The following SLC4A8 variants were observed in gnomAD, a reference collection of about 807,000 sequenced individuals.
SLC4A8 encodes the protein solute carrier family 4 member 8, also known as electroneutral sodium bicarbonate exchanger 1.
Under a neutral mutation model 125.0 loss-of-function variants are expected in SLC4A8, and 40 were observed. The observed-to-expected ratio is 0.32, with a 90% CI of 0.25 to 0.42. The LOEUF (loss-of-function observed/expected upper bound fraction) is 0.42. Among genes scored for constraint, SLC4A8 ranks in the 10% least tolerant of loss-of-function variants. SLC4A8 has a pLI of 1.00. For synonymous variants in SLC4A8, 456 were observed against 476.0 expected (o/e 0.96, Z 0.55); for missense variants, 863 against 1,355.1 (o/e 0.64, Z 5.70).
intron 3 of SLC4A8, 110 bp from the exon 4 acceptor site, chr12:51,452,014 G>A: frequency 1.0e-6 from 1 of 968,350 alleles, no homozygotes. Flanking sequence ...TTTTTCTTCT[G>A]CATTCGTGGT....
chr12:51,506,734 G>A (rs77681556), intron 24 of SLC4A8, among the ~76,000 whole-genome samples: 8,470 of 152,218 alleles, frequency 0.056, 717 homozygotes, highest in African/African-American at 0.18. Flanking sequence ...GCACCCGGCC[G>A]TAACTGTTTT....
intron 9 of SLC4A8, 34 bp downstream of exon 9, chr12:51,461,325 A>C: frequency 1.3e-5 from 15 of 1,173,300 alleles, no homozygotes; most frequent in Non-Finnish European, 1.8e-5. Context: ...CTTCCATCTC[A>C]TAAATATTTA....
intron 1 of SLC4A8, among the ~76,000 whole-genome samples, chr12:51,433,256 T>G (rs143723383): frequency 2.5e-4 from 38 of 152,344 alleles, no homozygotes; most frequent in African/African-American, 8.4e-4. Context: ...TTTTAATGTG[T>G]ATTTAACCCT....
At chr12:51,446,675 T>TTGTCC (rs1242783603) in intron 2 of SLC4A8, among the ~76,000 whole-genome samples, 1 of 152,216 alleles carries the variant, frequency 6.6e-6, no homozygotes, top group African/African-American at 2.4e-5. Context: ...GGTGAGTACT[T>TTGTCC]TATTTGTCCT....
chr12:51,426,572 A>T (rs1948988475), intron 1 of SLC4A8, among the ~76,000 whole-genome samples: 1 of 152,202 alleles, frequency 6.6e-6, no homozygotes, highest in Non-Finnish European at 1.5e-5. Context: ...GAGCTAAAGG[A>T]TGAATAAATG....
intron 1 of SLC4A8, among the ~76,000 whole-genome samples, chr12:51,410,852 CTTTCTTTTCTTTTCT>C (rs1197967101): frequency 6.8e-6 from 1 of 148,116 alleles, no homozygotes; most frequent in Non-Finnish European, 1.5e-5. Context: ...TTCGAACAAT[CTTTCTTTTCTTTTCT>C]TTTCTTTTCT....
At chr12:51,457,577 A>C in intron 6 of SLC4A8, 38 bp downstream of exon 6, 1 of 1,570,184 alleles carries the variant, frequency 6.4e-7, no homozygotes, top group Non-Finnish European at 8.7e-7. Context: ...TTTATTAATA[A>C]GACATTGGGA....
chr12:51,408,640 T>C (rs1441472064), intron 1 of SLC4A8, among the ~76,000 whole-genome samples: 1 of 152,140 alleles, frequency 6.6e-6, no homozygotes, highest in Non-Finnish European at 1.5e-5. Flanking sequence ...CGCAGGAGCA[T>C]GGTGTTCACC....
intron 1 of SLC4A8, among the ~76,000 whole-genome samples, chr12:51,413,793 A>G (rs1377167102): frequency 1.3e-5 from 2 of 152,020 alleles, no homozygotes; most frequent in Non-Finnish European, 2.9e-5. Context: ...CTGTTTTTAT[A>G]TCGATACCAT....
intron 2 of SLC4A8, among the ~76,000 whole-genome samples, chr12:51,443,887 CA>C (rs1243177752): frequency 3.3e-5 from 5 of 152,300 alleles, no homozygotes; most frequent in Admixed American, 1.3e-4. Flanking sequence ...CAGGGTACGT[CA>C]AACCTATGGT....
chr12:51,510,124 TGATGCAGGATAAAACTTCCC>T lies in SLC4A8; in HGVS notation c.*2688_*2707del, dbSNP rs2138471356. ...GAGGAGGGTCTGATATCCCTGCAAG[TGATGCAGGATAAAACTTCCC>T]GGCCGGGCGCAATGGCTCGCGCCTG... On this transcript the variant is annotated 3_prime_UTR_variant, in exon 25 of 25. Coordinates refer to ENST00000453097, the MANE Select transcript of SLC4A8 (RefSeq NM_001039960.3). The T allele has an allele frequency of 6.6e-6, 1 of 152,328 alleles. No homozygotes were observed. The highest frequency in any genetic ancestry group is 1.5e-5 in the Non-Finnish European group (1 of 68,102). 9.4% of individuals were successfully genotyped at this position (152,328 alleles called of 1,614,324 possible).
intron 14 of SLC4A8, among the ~76,000 whole-genome samples, chr12:51,472,038 A>G (rs7971145): frequency 0.056 from 8,542 of 152,272 alleles, 737 homozygotes; most frequent in African/African-American, 0.18. Flanking sequence ...ACACTGTATC[A>G]TAAAGATCCA....
At chr12:51,432,583 C>T (rs1251814656) in intron 1 of SLC4A8, among the ~76,000 whole-genome samples, 2 of 150,974 alleles carry the variant, frequency 1.3e-5, no homozygotes, top group African/African-American at 2.4e-5. Flanking sequence ...ATTAGCTGGG[C>T]GTGGTGGTGC....
intron 1 of SLC4A8, among the ~76,000 whole-genome samples, chr12:51,394,383 T>C (rs1005359773): frequency 2.0e-5 from 3 of 152,238 alleles, no homozygotes; most frequent in African/African-American, 7.2e-5. Flanking sequence ...CCACCCCTAA[T>C]GTGTCATGCA....
intron 19 of SLC4A8, 130 bp from the exon 20 acceptor site, chr12:51,493,574 A>T: frequency 1.5e-6 from 1 of 655,226 alleles, no homozygotes; most frequent in Non-Finnish European, 2.8e-6. Flanking sequence ...AGGCAGCAGA[A>T]ACTAATGCAA....
At chr12:51,400,726 TTATATATATA>T (rs869058430) in intron 1 of SLC4A8, among the ~76,000 whole-genome samples, 125 of 41,854 alleles carry the variant, frequency 3.0e-3, no homozygotes, top group East Asian at 9.6e-3. Flanking sequence ...ATGAACTCCT[TTATATATATA>T]TATATATATA....
chr12:51,470,438 A>G lies in SLC4A8; in HGVS notation c.1571A>G (p.Tyr524Cys), dbSNP rs1238759646. The G allele has an allele frequency of 6.2e-7, 1 of 1,613,940 alleles. No homozygotes were observed. ...LFGASMTGIA[Y>C]SLFAGQALTI... ...GGAGCTTCCATGACTGGGATTGCTT[A>G]TTCCTTGTTTGCGGGACAGGCTCTC... is the stretch of plus-strand genomic sequence containing the variant. The change falls in exon 13 of 25, where the codon TAT becomes TGT. Residue 524 changes from tyrosine (Y) to cysteine (C), a missense_variant. Physicochemically the swap from Tyr to Cys is radical, Grantham distance 194 (BLOSUM62 -2). This residue lies in a region of SLC4A8 where 390 missense variants were observed against 634.4 expected (regional missense o/e 0.61). Coordinates refer to ENST00000453097, the MANE Select transcript of SLC4A8 (RefSeq NM_001039960.3).
At chr12:51,468,473 T>C (rs1394115549) in intron 11 of SLC4A8, among the ~76,000 whole-genome samples, 1 of 152,232 alleles carries the variant, frequency 6.6e-6, no homozygotes, top group Admixed American at 6.5e-5. Context: ...CTTAAAACCA[T>C]TTCTGGCCGG....
chr12:51,507,506 T>C lies in SLC4A8; in HGVS notation c.*68T>C, dbSNP rs1444895308. Reference sequence around the variant, plus strand: ...AGGGAAGTTCTGGTTACAGAGAAAATGGCGAGTCTCTCAGAGAAGAAGCAA... The same window carrying C: ...AGGGAAGTTCTGGTTACAGAGAAAACGGCGAGTCTCTCAGAGAAGAAGCAA... On this transcript the variant is annotated 3_prime_UTR_variant, in exon 25 of 25. Transcript: ENST00000453097. 5.9e-6 allele frequency: 7 copies of C among 1,183,006 alleles called. No individual in the cohort carries two copies. Among genetic ancestry groups the C allele is most frequent in the Admixed American group, 2.9e-5 (1 of 34,344 alleles). 73.3% of individuals were successfully genotyped at this position (1,183,006 alleles called of 1,614,324 possible).
Sources: gnomAD v4.1 joint callset for allele counts (sites outside exome capture counted in the v4.1 genomes callset) on GRCh38, gnomAD v4.1.1 for gene constraint, gnomAD v4.1.1 regional missense constraint, MANE v1.5 for transcripts, NCBI Gene and HGNC (gene_info 2026-07-23, HGNC 2026-07-21) for gene names.